Variants in KLHL20 observed in about 807,000 individuals in gnomAD.
KLHL20 encodes the protein kelch like family member 20.
A neutral mutation model predicts 69.5 loss-of-function variants in KLHL20; 29 were observed. That is an observed-to-expected ratio of 0.42 (90% CI 0.31 to 0.57). The LOEUF is 0.57. Among genes scored for constraint, KLHL20 ranks in the 20% least tolerant of loss-of-function variants. The pLI, the probability that KLHL20 is intolerant of heterozygous loss-of-function variation, is 0.18. For missense variants in KLHL20, 419 were observed against 776.0 expected, an observed-to-expected ratio of 0.54 and a Z score of 5.47; for synonymous variants, 253 against 265.2, an observed-to-expected ratio of 0.95 and a Z score of 0.45.
chr1:173,759,276 C>T (rs1383385689), intron 7 of KLHL20, among the ~76,000 whole-genome samples: 1 of 152,138 alleles, frequency 6.6e-6, no homozygotes, highest in Non-Finnish European at 1.5e-5. Context: ...CCTGCCCCCA[C>T]CTGATGGTCC....
At chr1:173,722,745 A>C (rs1445956366) in intron 2 of KLHL20, among the ~76,000 whole-genome samples, 1 of 146,248 alleles carries the variant, frequency 6.8e-6, no homozygotes, top group Non-Finnish European at 1.5e-5. Flanking sequence ...GGAGTAGTGC[A>C]GTGGCACAAT....
At chr1:173,758,287 A>C (rs1673644677) in intron 7 of KLHL20, among the ~76,000 whole-genome samples, 1 of 152,042 alleles carries the variant, frequency 6.6e-6, no homozygotes, top group Admixed American at 6.6e-5. Context: ...AAAGAAAAAG[A>C]AAACAACACA....
chr1:173,779,714 A>G (rs567136080), intron 10 of KLHL20, among the ~76,000 whole-genome samples: 32 of 152,244 alleles, frequency 2.1e-4, no homozygotes, highest in Middle Eastern at 3.4e-3. Flanking sequence ...CTACTACCTT[A>G]TCTAAATTAA....
At chr1:173,754,324 C>T (rs768379441) in intron 5 of KLHL20, among the ~76,000 whole-genome samples, 1 of 152,096 alleles carries the variant, frequency 6.6e-6, no homozygotes, top group African/African-American at 2.4e-5. Context: ...CAGTGGCTCA[C>T]GCCTGTAATC....
intron 3 of KLHL20, among the ~76,000 whole-genome samples, chr1:173,746,738 C>G (rs1460474289): frequency 6.6e-6 from 1 of 151,894 alleles, no homozygotes; most frequent in Non-Finnish European, 1.5e-5. Context: ...GATTGTATTT[C>G]ATTCTGGTTT....
chr1:173,741,863 C>T (rs574064257), intron 3 of KLHL20: 1 of 1,583,538 alleles, frequency 6.3e-7, no homozygotes, highest in South Asian at 1.1e-5. Context: ...CCACTGTCCT[C>T]TGCCAGCCTA....
intron 5 of KLHL20, among the ~76,000 whole-genome samples, chr1:173,755,107 G>A (rs1431169147): frequency 7.0e-6 from 1 of 143,544 alleles, no homozygotes; most frequent in Non-Finnish European, 1.5e-5. Context: ...TTGCCAGGCT[G>A]GAGTGCAGTG....
chr1:173,758,240 T>C (rs1358867698), intron 7 of KLHL20, among the ~76,000 whole-genome samples: 1 of 151,050 alleles, frequency 6.6e-6, no homozygotes, highest in Non-Finnish European at 1.5e-5. Context: ...CATTGCACTC[T>C]AGTCTGGGTG....
At chr1:173,752,135 G>A (rs1185925864) in intron 4 of KLHL20, among the ~76,000 whole-genome samples, 2 of 149,966 alleles carry the variant, frequency 1.3e-5, no homozygotes, top group African/African-American at 2.5e-5. Flanking sequence ...ACTTGGGAGC[G>A]TGAGGCAGGA....
At chr1:173,756,937 A>G in intron 6 of KLHL20, 39 bp from the exon 7 acceptor site, 2 of 1,588,436 alleles carry the variant, frequency 1.3e-6, no homozygotes, top group South Asian at 1.1e-5. Context: ...TTTATGCTTC[A>G]GGATAGGATT....
chr1:173,730,586 C>A (rs1301425088), intron 2 of KLHL20, among the ~76,000 whole-genome samples: 1 of 152,104 alleles, frequency 6.6e-6, no homozygotes, highest in Non-Finnish European at 1.5e-5. Context: ...ACTATCTGAT[C>A]TTTGACAAAC....
chr1:173,764,658 AAT>A (rs765710141), intron 7 of KLHL20, among the ~76,000 whole-genome samples: 27 of 152,134 alleles, frequency 1.8e-4, no homozygotes, highest in Admixed American at 4.6e-4. Flanking sequence ...TCTCACTGAT[AAT>A]GTGGGAGCTA....
At chr1:173,760,845 T>C (rs963049273) in intron 7 of KLHL20, among the ~76,000 whole-genome samples, 2 of 152,020 alleles carry the variant, frequency 1.3e-5, no homozygotes, top group Non-Finnish European at 2.9e-5. Flanking sequence ...CCAAAGTACA[T>C]AGGCAAGAAA....
At chr1:173,781,772 T>G in intron 10 of KLHL20, 1 of 176,862 alleles carries the variant, frequency 5.7e-6, no homozygotes, top group Non-Finnish European at 1.2e-5. Context: ...CTGGCCTAGA[T>G]TTGTATTTTT....
At chr1:173,757,211 T>G (rs775161476) in intron 7 of KLHL20, 52 bp downstream of exon 7, 1 of 1,471,862 alleles carries the variant, frequency 6.8e-7, no homozygotes, top group South Asian at 1.4e-5. Context: ...TAGTTTTATT[T>G]GAGATGTTAA....
chr1:173,778,510 T>G (rs1217044906), intron 10 of KLHL20, among the ~76,000 whole-genome samples: 7 of 150,950 alleles, frequency 4.6e-5, no homozygotes, highest in African/African-American at 1.2e-4. Context: ...TGTTTTTTGT[T>G]TTTTTTTTGG....
At chr1:173,781,978 T>C in intron 10 of KLHL20, 146 bp from the exon 11 acceptor site, 1 of 568,106 alleles carries the variant, frequency 1.8e-6, no homozygotes. Context: ...AGACTTTTGT[T>C]GTTACATTTT....
intron 2 of KLHL20, among the ~76,000 whole-genome samples, chr1:173,716,933 C>G (rs1671492041): frequency 1.3e-5 from 2 of 152,216 alleles, no homozygotes. Context: ...TTCACCTTCT[C>G]TGTACCCCAG....
chr1:173,751,206 C>G (rs959437841), intron 3 of KLHL20, among the ~76,000 whole-genome samples: 1 of 152,196 alleles, frequency 6.6e-6, no homozygotes, highest in African/African-American at 2.4e-5. Flanking sequence ...TCCATTCTGA[C>G]AGTTGCCTAG....
Sources: gnomAD v4.1 joint callset for allele counts (sites outside exome capture counted in the v4.1 genomes callset) on GRCh38, gnomAD v4.1.1 for gene constraint, MANE v1.5 for transcripts, NCBI Gene and HGNC (gene_info 2026-07-23, HGNC 2026-07-21) for gene names.